Variants in CNTNAP2 observed in about 807,000 individuals in gnomAD.
CNTNAP2 encodes the protein contactin associated protein 2.
Under a neutral mutation model 155.2 loss-of-function variants are expected in CNTNAP2, and 98 were observed. That is an observed-to-expected ratio of 0.63 (90% CI 0.54 to 0.75). CNTNAP2 has a LOEUF of 0.75. Among genes scored for constraint, CNTNAP2 ranks in the 30% least tolerant of loss-of-function variants. The pLI, the probability that CNTNAP2 is intolerant of heterozygous loss-of-function variation, is 0.00. For missense variants in CNTNAP2, 1,727 were observed against 1,688.1 expected (o/e 1.02, Z -0.40); for synonymous variants, 651 against 631.2 (o/e 1.03, Z -0.47).
chr7:146,959,713 C>CAAAAAAAAAAAAAAAA (rs1176908836), intron 3 of CNTNAP2, among the ~76,000 whole-genome samples: 1 of 90,400 alleles, frequency 1.1e-5, no homozygotes, highest in Admixed American at 1.3e-4. Flanking sequence ...CAGCGAGTCT[C>CAAAAAAAAAAAAAAAA]AAAAAAAAAA....
intron 1 of CNTNAP2, among the ~76,000 whole-genome samples, chr7:146,598,700 T>C (rs1798900661): frequency 6.6e-6 from 1 of 152,082 alleles, no homozygotes; most frequent in African/African-American, 2.4e-5. Flanking sequence ...CTCTAAAAAT[T>C]AGAGCGCCTC....
rs150759287 is a variant in CNTNAP2 at position 146,398,299 on chromosome 7, C to G, written c.97+281326C>G. 2.0e-5 allele frequency among the ~76,000 whole-genome samples: 3 copies of G among 148,686 alleles called. No homozygotes were observed. In the East Asian group the frequency reaches 6.0e-4, roughly 30 times the overall value. ...CACTTCCACAGGGCTAGGAAGGAAT[C>G]AGGGAACTTATAATCATGGTGGAAA... On this transcript the variant is annotated intron_variant, in intron 1 of 23. Transcript: ENST00000361727.
intron 10 of CNTNAP2, among the ~76,000 whole-genome samples, chr7:147,415,279 C>T (rs528907544): frequency 2.5e-4 from 38 of 152,292 alleles, no homozygotes; most frequent in African/African-American, 8.7e-4. Flanking sequence ...TTCTAATAGA[C>T]ATGTCTTCTA....
At chr7:148,267,179 A>C (rs1211331341) in intron 21 of CNTNAP2, 53 bp downstream of exon 21, 5 of 1,479,320 alleles carry the variant, frequency 3.4e-6, no homozygotes, top group Non-Finnish European at 4.7e-6. Context: ...CATTTGGGTA[A>C]TGTGAGTTTG....
At chr7:147,464,798 T>C (rs1260850354) in intron 10 of CNTNAP2, among the ~76,000 whole-genome samples, 2 of 152,170 alleles carry the variant, frequency 1.3e-5, no homozygotes, top group Non-Finnish European at 2.9e-5. Context: ...GGCTGTTACC[T>C]TAAGGTCTGA....
At chr7:147,343,846 T>G (rs1795802570) in intron 9 of CNTNAP2, among the ~76,000 whole-genome samples, 1 of 152,132 alleles carries the variant, frequency 6.6e-6, no homozygotes, top group Non-Finnish European at 1.5e-5. Context: ...AATGGGGGCA[T>G]CAAAACTACA....
intron 1 of CNTNAP2, among the ~76,000 whole-genome samples, chr7:146,576,798 C>G (rs371225869): frequency 1.3e-5 from 2 of 152,008 alleles, no homozygotes; most frequent in Admixed American, 6.6e-5. Flanking sequence ...ATATCTATCT[C>G]GATGGATCAT....
At chr7:147,691,827 G>C (rs1796091180) in intron 13 of CNTNAP2, among the ~76,000 whole-genome samples, 1 of 152,032 alleles carries the variant, frequency 6.6e-6, no homozygotes, top group Non-Finnish European at 1.5e-5. Flanking sequence ...CACCAGAGTG[G>C]CTTGATTTGT....
chr7:148,336,168 T>C (rs1274696241), intron 21 of CNTNAP2, among the ~76,000 whole-genome samples: 1 of 152,244 alleles, frequency 6.6e-6, no homozygotes. Flanking sequence ...GAATTGTCTT[T>C]GATTGGTTCT....
chr7:146,562,938 A>G (rs1798301907), intron 1 of CNTNAP2, among the ~76,000 whole-genome samples: 1 of 152,168 alleles, frequency 6.6e-6, no homozygotes, highest in Admixed American at 6.5e-5. Flanking sequence ...ACACTCTATT[A>G]GGTTTTGTAT....
At chr7:146,436,157 C>A (rs1796240267) in intron 1 of CNTNAP2, among the ~76,000 whole-genome samples, 1 of 152,044 alleles carries the variant, frequency 6.6e-6, no homozygotes, top group Non-Finnish European at 1.5e-5. Context: ...TCTCTCCTAG[C>A]AATACTCTTA....
At chr7:146,812,997 A>T (rs1803096067) in intron 2 of CNTNAP2, among the ~76,000 whole-genome samples, 1 of 152,214 alleles carries the variant, frequency 6.6e-6, no homozygotes, top group Non-Finnish European at 1.5e-5. Flanking sequence ...CACAGAAGGC[A>T]AGAACTGAGG....
chr7:147,068,326 A>T (rs1312277245), intron 4 of CNTNAP2, among the ~76,000 whole-genome samples: 1 of 151,762 alleles, frequency 6.6e-6, no homozygotes, highest in Admixed American at 6.6e-5. Flanking sequence ...ACAAGATTAA[A>T]CTCCATAATA....
At position 147,567,817 on chromosome 7, in the gene CNTNAP2, G is replaced by A. The variant is rs141184639; in HGVS notation, c.1897+5560G>A. On this transcript the variant is annotated intron_variant, in intron 12 of 23. Coordinates refer to ENST00000361727, the MANE Select transcript of CNTNAP2 (RefSeq NM_014141.6). ...AAAAAAATCTTTGGCCGGGCACGGC[G>A]GCTCATGCCTGTAATCCCAGCACTT... Among the ~76,000 whole-genome samples, 887 of 152,284 alleles carry A rather than the reference G, an allele frequency of 5.8e-3. 6 individuals carry two copies. Among genetic ancestry groups the A allele is most frequent in the African/African-American group, 0.02 (835 of 41,568 alleles).
intron 21 of CNTNAP2, among the ~76,000 whole-genome samples, chr7:148,363,992 G>A (rs917905026): frequency 6.6e-6 from 1 of 152,202 alleles, no homozygotes; most frequent in South Asian, 2.1e-4. Context: ...CCCCAGCAGT[G>A]CCGGCCCACC....
intron 3 of CNTNAP2, among the ~76,000 whole-genome samples, chr7:146,868,024 A>G (rs897134960): frequency 6.6e-6 from 1 of 152,140 alleles, no homozygotes; most frequent in African/African-American, 2.4e-5. Flanking sequence ...CTTAAGTTTA[A>G]TTAGATCCCA....
At chr7:148,098,911 A>C (rs959884198) in intron 15 of CNTNAP2, among the ~76,000 whole-genome samples, 3 of 152,168 alleles carry the variant, frequency 2.0e-5, no homozygotes, top group Non-Finnish European at 4.4e-5. Context: ...GGTGCCAGGG[A>C]AGCCCAGAAT....
At chr7:147,357,584 T>G (rs1796085295) in intron 9 of CNTNAP2, among the ~76,000 whole-genome samples, 1 of 152,132 alleles carries the variant, frequency 6.6e-6, no homozygotes, top group African/African-American at 2.4e-5. Context: ...TTTCTTAGTC[T>G]TCTGCTCCTT....
At chr7:146,866,821 C>T (rs192008453) in intron 3 of CNTNAP2, among the ~76,000 whole-genome samples, 1 of 152,236 alleles carries the variant, frequency 6.6e-6, no homozygotes. Context: ...AGTATACTCA[C>T]ATGATGGAAA....
Sources: allele counts gnomAD v4.1 joint callset (sites outside exome capture counted in the v4.1 genomes callset), GRCh38; gene constraint gnomAD v4.1.1; transcripts MANE v1.5; gene names NCBI Gene and HGNC (gene_info 2026-07-23, HGNC 2026-07-21).